EIF2B3: variants seen among roughly 807,000 people sequenced by gnomAD.
EIF2B3 encodes the protein translation initiation factor eIF2B subunit gamma.
EIF2B3 carries 20 observed loss-of-function variants against 54.1 expected under a neutral mutation model. The observed-to-expected ratio is 0.37, with a 90% CI of 0.26 to 0.54. EIF2B3 has a LOEUF of 0.54. Ranked by LOEUF, EIF2B3 falls within the 20% of genes least tolerant of loss-of-function variation. The pLI is 0.86. For missense variants in EIF2B3, 448 were observed against 547.8 expected (o/e 0.82, Z 1.82); for synonymous variants, 153 against 188.1 (o/e 0.81, Z 1.52).
intron 3 of EIF2B3, among the ~76,000 whole-genome samples, chr1:44,957,589 G>A (rs1242005065): frequency 6.6e-6 from 1 of 151,720 alleles, no homozygotes; most frequent in Non-Finnish European, 1.5e-5. Context: ...GACAAAACCT[G>A]GTCTCTACTA....
intron 3 of EIF2B3, among the ~76,000 whole-genome samples, chr1:44,952,799 G>A (rs1380210706): frequency 2.0e-5 from 3 of 151,962 alleles, no homozygotes; most frequent in African/African-American, 7.3e-5. Context: ...TGATCCGCCC[G>A]CCTCGGCCTC....
intron 10 of EIF2B3, among the ~76,000 whole-genome samples, chr1:44,858,181 C>G (rs1320222720): frequency 6.7e-6 from 1 of 149,958 alleles, no homozygotes; most frequent in Non-Finnish European, 1.5e-5. Flanking sequence ...TCAAGTGATC[C>G]TCCCACCTCA....
At position 44,944,900 on chromosome 1, in the gene EIF2B3, AT is replaced by A. The variant is rs933260360; in HGVS notation, c.295-3236del. On this transcript the variant is annotated intron_variant, in intron 3 of 11. Coordinates refer to ENST00000360403, the MANE Select transcript of EIF2B3 (RefSeq NM_020365.5). ...TCAAGAATGAAGTGAGTCTACATGT[AT>A]TTTTTTTTTTGTAAGTACTCCAAAC... is the stretch of plus-strand genomic sequence containing the variant. Among the ~76,000 whole-genome samples the A allele has an allele frequency of 7.6e-3, 1,118 of 146,932 alleles. 13 individuals carry two copies. Among genetic ancestry groups the A allele is most frequent in the African/African-American group, 0.024 (959 of 40,408 alleles).
chr1:44,961,359 T>C (rs911713131), intron 3 of EIF2B3, among the ~76,000 whole-genome samples: 16 of 134,848 alleles, frequency 1.2e-4, no homozygotes, highest in Middle Eastern at 4.1e-3. Flanking sequence ...TGAAATGGAG[T>C]GATTTCCAGG....
intron 10 of EIF2B3, among the ~76,000 whole-genome samples, chr1:44,873,399 T>C (rs556581587): frequency 2.6e-5 from 4 of 152,284 alleles, no homozygotes; most frequent in African/African-American, 9.6e-5. Context: ...CATTATCAAT[T>C]GGCTTTCTAC....
At chr1:44,887,917 T>A (rs1412293451) in intron 6 of EIF2B3, among the ~76,000 whole-genome samples, 1 of 152,178 alleles carries the variant, frequency 6.6e-6, no homozygotes, top group Non-Finnish European at 1.5e-5. Context: ...AAAAAGACTT[T>A]ATGAAAGGCA....
At chr1:44,916,598 A>C (rs1454264866) in intron 5 of EIF2B3, among the ~76,000 whole-genome samples, 3 of 147,704 alleles carry the variant, frequency 2.0e-5, no homozygotes, top group Non-Finnish European at 3.0e-5. Context: ...AGGTGGGAGG[A>C]TCACTTGAGC....
intron 6 of EIF2B3, among the ~76,000 whole-genome samples, chr1:44,885,631 T>C (rs185944133): frequency 6.6e-6 from 1 of 152,110 alleles, no homozygotes; most frequent in South Asian, 2.1e-4. Context: ...TAAACAAGAA[T>C]CTTTCAAAAA....
At chr1:44,925,658 G>A (rs6671064) in intron 5 of EIF2B3, among the ~76,000 whole-genome samples, 11,666 of 152,218 alleles carry the variant, frequency 0.077, 1,522 homozygotes, top group African/African-American at 0.27. Context: ...TGGGCACGGT[G>A]GCTCACTCCT....
chr1:44,950,554 T>C (rs1300993787), intron 3 of EIF2B3, among the ~76,000 whole-genome samples: 2 of 152,048 alleles, frequency 1.3e-5, no homozygotes, highest in Admixed American at 6.6e-5. Context: ...GTGGGGGTGG[T>C]CAGGGGACTA....
chr1:44,868,170 G>A (rs901822069), intron 10 of EIF2B3, among the ~76,000 whole-genome samples: 12 of 152,018 alleles, frequency 7.9e-5, no homozygotes, highest in African/African-American at 2.4e-4. Flanking sequence ...AGGCCGAGGC[G>A]AGCGGATCAC....
At chr1:44,896,174 G>C (rs1279990049) in intron 6 of EIF2B3, among the ~76,000 whole-genome samples, 1 of 152,182 alleles carries the variant, frequency 6.6e-6, no homozygotes. Flanking sequence ...CACAATGCCT[G>C]GCTCATAATG....
At chr1:44,869,878 T>C (rs1405731809) in intron 10 of EIF2B3, among the ~76,000 whole-genome samples, 2 of 151,980 alleles carry the variant, frequency 1.3e-5, no homozygotes, top group African/African-American at 4.8e-5. Flanking sequence ...GAAGGGTAAA[T>C]ATAGAAGACG....
At chr1:44,908,961 G>A (rs1048335384) in intron 5 of EIF2B3, among the ~76,000 whole-genome samples, 1 of 152,192 alleles carries the variant, frequency 6.6e-6, no homozygotes, top group African/African-American at 2.4e-5. Context: ...TCTGAGAGGA[G>A]TGGAAAGCTG....
intron 9 of EIF2B3, among the ~76,000 whole-genome samples, 157 bp from the exon 10 acceptor site, chr1:44,874,983 A>C (rs1402561357): frequency 6.6e-6 from 1 of 152,188 alleles, no homozygotes; most frequent in Non-Finnish European, 1.5e-5. Flanking sequence ...AAGGTCATAC[A>C]ACACCTCTGA....
intron 3 of EIF2B3, among the ~76,000 whole-genome samples, chr1:44,957,690 G>C (rs1569839787): frequency 6.6e-6 from 1 of 152,144 alleles, no homozygotes; most frequent in Non-Finnish European, 1.5e-5. Flanking sequence ...GAACCTGAGA[G>C]GTGAAGGCTG....
At chr1:44,897,489 A>G (rs1194516256) in intron 5 of EIF2B3, 45 bp from the exon 6 acceptor site, 3 of 1,420,330 alleles carry the variant, frequency 2.1e-6, no homozygotes, top group African/African-American at 1.4e-5. Context: ...GAGGCTCACA[A>G]TCAGGTAACA....
chr1:44,885,803 T>C (rs1282345518), intron 6 of EIF2B3, among the ~76,000 whole-genome samples: 1 of 152,088 alleles, frequency 6.6e-6, no homozygotes, highest in Non-Finnish European at 1.5e-5. Context: ...GGCACGATCC[T>C]GGCTCACTGC....
chr1:44,967,226 C>G (rs979139189), intron 3 of EIF2B3, among the ~76,000 whole-genome samples: 1 of 150,342 alleles, frequency 6.7e-6, no homozygotes, highest in Non-Finnish European at 1.5e-5. Context: ...GCAGGCAGAT[C>G]ACTTGAGGTC....
Sources: allele counts gnomAD v4.1 joint callset (sites outside exome capture counted in the v4.1 genomes callset), GRCh38; gene constraint gnomAD v4.1.1; transcripts MANE v1.5; gene names NCBI Gene and HGNC (gene_info 2026-07-23, HGNC 2026-07-21).